Variants in SLC24A3 observed in about 807,000 individuals in gnomAD.
The protein encoded by SLC24A3 is solute carrier family 24 member 3, also known as sodium/potassium/calcium exchanger 3.
In SLC24A3, 28 loss-of-function variants were observed where a neutral mutation model predicts 75.8. That is an observed-to-expected ratio of 0.37 (90% CI 0.27 to 0.51). The LOEUF is 0.51. Ranked by LOEUF, SLC24A3 falls within the 20% of genes least tolerant of loss-of-function variation. The probability of loss-of-function intolerance (pLI) is 0.94; values close to 1 mark genes in which losing one functional copy is unlikely to be tolerated. For missense variants in SLC24A3, 663 were observed against 847.8 expected (o/e 0.78, Z 2.71); for synonymous variants, 372 against 334.1 (o/e 1.11, Z -1.24).
chr20:19,376,116 T>C (rs1413963589), intron 2 of SLC24A3, among the ~76,000 whole-genome samples: 1 of 152,098 alleles, frequency 6.6e-6, no homozygotes. Context: ...TGTGTGGGGG[T>C]ACACACTGAA....
intron 7 of SLC24A3, among the ~76,000 whole-genome samples, chr20:19,661,800 G>A (rs3790284): frequency 0.026 from 4,013 of 152,118 alleles, 64 homozygotes; most frequent in South Asian, 0.068. Context: ...CTTCTCTCCC[G>A]CGTATACTAG....
intron 2 of SLC24A3, among the ~76,000 whole-genome samples, chr20:19,364,614 C>T (rs1235761395): frequency 1.3e-5 from 2 of 152,104 alleles, no homozygotes; most frequent in African/African-American, 4.8e-5. Context: ...ACCATCATGC[C>T]TGGTTAATTT....
chr20:19,513,278 G>A (rs1019293934), intron 2 of SLC24A3, among the ~76,000 whole-genome samples: 1 of 152,204 alleles, frequency 6.6e-6, no homozygotes, highest in Non-Finnish European at 1.5e-5. Context: ...CCCCAGCCCT[G>A]GGTTTGCTGG....
chr20:19,651,432 CTCTG>C, intron 6 of SLC24A3, among the ~76,000 whole-genome samples: 2 of 148,122 alleles, frequency 1.4e-5, no homozygotes, highest in South Asian at 2.1e-4. Flanking sequence ...CTTTCCTCTC[CTCTG>C]TCTGGTAATT....
chr20:19,225,520 A>C (rs748072812), intron 1 of SLC24A3, among the ~76,000 whole-genome samples: 3 of 152,166 alleles, frequency 2.0e-5, no homozygotes, highest in Non-Finnish European at 4.4e-5. Flanking sequence ...CTGCTTTTAA[A>C]ATAAAAAACC....
At chr20:19,546,187 A>C (rs1378484828) in intron 3 of SLC24A3, among the ~76,000 whole-genome samples, 2 of 147,084 alleles carry the variant, frequency 1.4e-5, no homozygotes, top group African/African-American at 2.5e-5. Context: ...AAAAAAAAAA[A>C]ACCAGGTAAT....
At chr20:19,476,675 G>A (rs1987966946) in intron 2 of SLC24A3, among the ~76,000 whole-genome samples, 1 of 152,166 alleles carries the variant, frequency 6.6e-6, no homozygotes, top group Admixed American at 6.5e-5. Context: ...AGAGTTAGGT[G>A]AATGCTTGAA....
chr20:19,350,509 G>T (rs1029362058), intron 2 of SLC24A3, among the ~76,000 whole-genome samples: 7 of 152,118 alleles, frequency 4.6e-5, no homozygotes, highest in South Asian at 2.1e-4. Context: ...GAATCTATTG[G>T]AAGATTCTAA....
intron 2 of SLC24A3, among the ~76,000 whole-genome samples, chr20:19,297,652 C>T (rs909696834): frequency 1.3e-5 from 2 of 152,208 alleles, no homozygotes; most frequent in African/African-American, 4.8e-5. Context: ...ATATTGATGA[C>T]ATATACACCA....
At chr20:19,538,641 A>G (rs750033600) in intron 3 of SLC24A3, among the ~76,000 whole-genome samples, 19 of 152,216 alleles carry the variant, frequency 1.2e-4, no homozygotes, top group Non-Finnish European at 2.5e-4. Context: ...GTATCTAAAT[A>G]AAGCAACTGG....
intron 2 of SLC24A3, among the ~76,000 whole-genome samples, chr20:19,497,298 G>A (rs183551879): frequency 1.1e-4 from 16 of 152,236 alleles, no homozygotes; most frequent in Non-Finnish European, 1.9e-4. Context: ...GGGTAGAAGG[G>A]GCTAGGACCG....
At chr20:19,233,867 G>A (rs2122151921) in intron 1 of SLC24A3, among the ~76,000 whole-genome samples, 1 of 152,262 alleles carries the variant, frequency 6.6e-6, no homozygotes, top group East Asian at 1.9e-4. Context: ...TCTGTTCTCA[G>A]TTTCTTTATC....
chr20:19,656,907 A>G (rs971553777), intron 7 of SLC24A3, among the ~76,000 whole-genome samples: 1 of 152,208 alleles, frequency 6.6e-6, no homozygotes, highest in Non-Finnish European at 1.5e-5. Context: ...AATGAATGTA[A>G]TTGTTGTTAA....
At chr20:19,506,920 A>G (rs907382120) in intron 2 of SLC24A3, among the ~76,000 whole-genome samples, 17 of 152,228 alleles carry the variant, frequency 1.1e-4, no homozygotes, top group Admixed American at 4.6e-4. Flanking sequence ...AATTCAAAAG[A>G]TGATCTAAGA....
At chr20:19,395,850 G>A (rs139133157) in intron 2 of SLC24A3, among the ~76,000 whole-genome samples, 1 of 152,236 alleles carries the variant, frequency 6.6e-6, no homozygotes, top group Non-Finnish European at 1.5e-5. Flanking sequence ...CCTGTGTTTC[G>A]AGAATTGGAG....
At chr20:19,301,741 T>A (rs907421447) in intron 2 of SLC24A3, among the ~76,000 whole-genome samples, 12 of 152,222 alleles carry the variant, frequency 7.9e-5, no homozygotes, top group Non-Finnish European at 8.8e-5. Flanking sequence ...CATGGTTTGA[T>A]GACCCCCCTC....
chr20:19,619,927 A>G (rs2031782463), intron 6 of SLC24A3, among the ~76,000 whole-genome samples: 1 of 152,216 alleles, frequency 6.6e-6, no homozygotes, highest in African/African-American at 2.4e-5. Context: ...ATCAAGAAAC[A>G]GGTTTGGGGG....
chr20:19,566,154 A>G (rs1023787982), intron 3 of SLC24A3, among the ~76,000 whole-genome samples: 3 of 152,242 alleles, frequency 2.0e-5, no homozygotes, highest in African/African-American at 7.2e-5. Context: ...CCGGGAAGCC[A>G]GTGTGCCTGG....
At chr20:19,665,151 G>A (rs935038427) in intron 7 of SLC24A3, among the ~76,000 whole-genome samples, 16 of 152,164 alleles carry the variant, frequency 1.1e-4, no homozygotes, top group African/African-American at 3.9e-4. Flanking sequence ...TCAGTGGGGT[G>A]CTAGTGTGCC....
Sources: gnomAD v4.1 joint callset for allele counts (sites outside exome capture counted in the v4.1 genomes callset) on GRCh38, gnomAD v4.1.1 for gene constraint, MANE v1.5 for transcripts, NCBI Gene and HGNC (gene_info 2026-07-23, HGNC 2026-07-21) for gene names.